MARCHF1: variants seen among roughly 807,000 people sequenced by gnomAD.
The protein encoded by MARCHF1 is membrane associated ring-CH-type finger 1, also known as E3 ubiquitin-protein ligase MARCHF1.
A neutral mutation model predicts 54.2 loss-of-function variants in MARCHF1; 40 were observed. The ratio of observed to expected loss-of-function variants is 0.74; its 90% confidence interval spans 0.57 to 0.96. The LOEUF is 0.96. MARCHF1 is among the 40% of genes least tolerant of loss of function. The pLI is 0.00. For missense variants in MARCHF1, 586 were observed against 656.5 expected, an observed-to-expected ratio of 0.89 and a Z score of 1.17; for synonymous variants, 236 against 236.3, an observed-to-expected ratio of 1.00 and a Z score of 0.01.
At chr4:163,595,349 A>C in intron 7 of MARCHF1, among the ~76,000 whole-genome samples, 1 of 115,974 alleles carries the variant, frequency 8.6e-6, no homozygotes, top group African/African-American at 3.1e-5. Flanking sequence ...TCTTCACTAA[A>C]AATAAAATAA....
At chr4:164,089,672 T>G (rs1360088783) in intron 2 of MARCHF1, among the ~76,000 whole-genome samples, 2 of 152,072 alleles carry the variant, frequency 1.3e-5, no homozygotes, top group African/African-American at 4.8e-5. Context: ...TTACAGTGAA[T>G]GAGATCCTCA....
At position 163,951,518 on chromosome 4, in the gene MARCHF1, G is replaced by A. The variant is rs148484443; in HGVS notation, c.-39+36983C>T. On this transcript the variant is annotated intron_variant, in intron 3 of 9. Transcript: ENST00000514618. ...GCAATTAAGAGGGAATGAGAGAAAA[G>A]GTCTGAATGATTGACTGAAGCTATC... 2.5e-3 allele frequency among the ~76,000 whole-genome samples: 388 copies of A among 152,278 alleles called. 2 individuals are homozygous for A. Among genetic ancestry groups the A allele is most frequent in the African/African-American group, 8.3e-3 (347 of 41,558 alleles).
At chr4:164,031,872 T>C (rs1753884532) in intron 2 of MARCHF1, among the ~76,000 whole-genome samples, 1 of 152,196 alleles carries the variant, frequency 6.6e-6, no homozygotes. Flanking sequence ...GAGCCCTTCC[T>C]TTTCAATTGT....
chr4:164,015,515 G>T (rs185422615), intron 2 of MARCHF1, among the ~76,000 whole-genome samples: 1 of 152,150 alleles, frequency 6.6e-6, no homozygotes, highest in East Asian at 1.9e-4. Flanking sequence ...AAACTGAAAA[G>T]ACAGCATACA....
chr4:164,347,917 CAGTATAT>C (rs1470307044), intron 1 of MARCHF1, among the ~76,000 whole-genome samples: 3 of 152,050 alleles, frequency 2.0e-5, no homozygotes, highest in Non-Finnish European at 4.4e-5. Context: ...TTCATTTTGT[CAGTATAT>C]AGCATTTAAG....
At chr4:164,168,557 G>A (rs1730440808) in intron 1 of MARCHF1, among the ~76,000 whole-genome samples, 1 of 151,892 alleles carries the variant, frequency 6.6e-6, no homozygotes, top group Admixed American at 6.6e-5. Context: ...ACAATAAAAT[G>A]TTATGCTATT....
At chr4:163,742,475 C>T (rs1466547957) in intron 4 of MARCHF1, among the ~76,000 whole-genome samples, 1 of 147,796 alleles carries the variant, frequency 6.8e-6, no homozygotes, top group Non-Finnish European at 1.5e-5. Context: ...TTCTCCTTTC[C>T]TTTCCTTTTC....
rs1225123946 is a variant in MARCHF1, at chr4:163,604,235, C to T, written c.1010+8036G>A. ...TTGCCTGTATCTCCCTCCCAAATAT[C>T]TCTCTTTGGATATTTGTCTTGCACC... is the stretch of plus-strand genomic sequence containing the variant. On this transcript the variant is annotated intron_variant, in intron 7 of 9. Coordinates refer to ENST00000514618, the MANE Select transcript of MARCHF1 (RefSeq NM_001394959.1). 3.9e-5 allele frequency among the ~76,000 whole-genome samples: 6 copies of T among 152,172 alleles called. No homozygotes were observed. The East Asian group carries it at 1.2e-3, about 29-fold the overall frequency.
chr4:164,275,462 G>A (rs556401347), intron 1 of MARCHF1, among the ~76,000 whole-genome samples: 3 of 152,064 alleles, frequency 2.0e-5, no homozygotes, highest in Non-Finnish European at 1.5e-5. Context: ...TTGAGTGGGG[G>A]AAAGGTTAAA....
intron 1 of MARCHF1, among the ~76,000 whole-genome samples, chr4:164,145,631 C>G (rs1275478823): frequency 6.6e-6 from 1 of 152,088 alleles, no homozygotes; most frequent in African/African-American, 2.4e-5. Context: ...AACCTTCATG[C>G]CAAAAACTCT....
At chr4:164,201,383 A>AT (rs1560951739) in intron 1 of MARCHF1, among the ~76,000 whole-genome samples, 2 of 151,846 alleles carry the variant, frequency 1.3e-5, no homozygotes, top group Admixed American at 1.3e-4. Context: ...CCACACCCAG[A>AT]TAATTTTTTT....
At position 164,106,042 on chromosome 4, in the gene MARCHF1, T is replaced by A. The variant is rs375360278; in HGVS notation, c.-248+5546A>T. Reference sequence around the variant, plus strand: ...GCTCATCATCACTGGCCATCAGAGATATGCAAATCAAAACCACAATGAGAT... The same window carrying A: ...GCTCATCATCACTGGCCATCAGAGAAATGCAAATCAAAACCACAATGAGAT... On this transcript the variant is annotated intron_variant, in intron 2 of 9. Coordinates refer to ENST00000514618, the MANE Select transcript of MARCHF1 (RefSeq NM_001394959.1). 3.0e-3 allele frequency among the ~76,000 whole-genome samples: 459 copies of A among 150,888 alleles called. 2 individuals carry two copies. Among genetic ancestry groups the A allele is most frequent in the African/African-American group, 9.8e-3 (400 of 40,814 alleles).
intron 3 of MARCHF1, among the ~76,000 whole-genome samples, chr4:163,928,362 C>A (rs1353877278): frequency 1.3e-5 from 2 of 151,858 alleles, no homozygotes; most frequent in African/African-American, 4.8e-5. Flanking sequence ...TAAAGCAGAA[C>A]AACAAGTGCA....
At chr4:163,912,143 G>A (rs150197327) in intron 3 of MARCHF1, among the ~76,000 whole-genome samples, 79 of 151,890 alleles carry the variant, frequency 5.2e-4, no homozygotes, top group African/African-American at 1.9e-3. Flanking sequence ...ACGAGAGAGA[G>A]AGATGAGGGC....
chr4:163,786,469 A>G (rs959547501), intron 4 of MARCHF1, among the ~76,000 whole-genome samples: 4 of 152,004 alleles, frequency 2.6e-5, no homozygotes, highest in African/African-American at 4.8e-5. Flanking sequence ...AATGAAGAAT[A>G]AGAAAATAAT....
chr4:163,825,279 C>T lies in MARCHF1; in HGVS notation c.111+28742G>A, dbSNP rs146420927. Reference sequence around the variant, plus strand: ...TGCTGCAAAGAACATGAGCTTGTTACTTTTAATGGCTGCATAGTATTCCAT... The same window carrying T: ...TGCTGCAAAGAACATGAGCTTGTTATTTTTAATGGCTGCATAGTATTCCAT... On this transcript the variant is annotated intron_variant, in intron 4 of 9. Transcript: ENST00000514618. Among the ~76,000 whole-genome samples, 390 of 152,070 alleles carry T rather than the reference C, an allele frequency of 2.6e-3. 2 individuals are homozygous for T. Among genetic ancestry groups the T allele is most frequent in the African/African-American group, 8.9e-3 (369 of 41,518 alleles).
chr4:163,739,046 A>G (rs1746124391), intron 4 of MARCHF1, among the ~76,000 whole-genome samples: 1 of 152,240 alleles, frequency 6.6e-6, no homozygotes, highest in African/African-American at 2.4e-5. Flanking sequence ...TTGTCTTATG[A>G]AAGAAAGTAT....
Position 163,915,757 on chromosome 4 carries a change from T to C in MARCHF1, c.-38-61588A>G, listed in dbSNP as rs562902758. Among the ~76,000 whole-genome samples, 3 of 152,244 alleles carry C rather than the reference T, an allele frequency of 2.0e-5. 1 individual carries two copies. The highest frequency in any genetic ancestry group is 4.1e-4 in the South Asian group (2 of 4,824). ...ATTATAAAGAATGAATAAGTGTTTA[T>C]TGATCCATATTTATGGAAATGGGTG... On this transcript the variant is annotated intron_variant, in intron 3 of 9. Coordinates refer to ENST00000514618, the MANE Select transcript of MARCHF1 (RefSeq NM_001394959.1).
chr4:164,314,580 G>A (rs1258519101), intron 1 of MARCHF1, among the ~76,000 whole-genome samples: 1 of 152,084 alleles, frequency 6.6e-6, no homozygotes, highest in East Asian at 1.9e-4. Context: ...TTTAACCCTG[G>A]AAAAATCCAA....
Sources: allele counts gnomAD v4.1 joint callset (sites outside exome capture counted in the v4.1 genomes callset), GRCh38; gene constraint gnomAD v4.1.1; transcripts MANE v1.5; gene names NCBI Gene and HGNC (gene_info 2026-07-23, HGNC 2026-07-21).